CRISPLD1: variants seen among roughly 807,000 people sequenced by gnomAD.
The protein encoded by CRISPLD1 is cysteine rich secretory protein LCCL domain containing 1, also known as cysteine-rich secretory protein LCCL domain-containing 1.
CRISPLD1 carries 60 observed loss-of-function variants against 77.5 expected under a neutral mutation model. That is an observed-to-expected ratio of 0.77 (90% CI 0.63 to 0.96). CRISPLD1 has a LOEUF of 0.96. Ranked by LOEUF, CRISPLD1 falls within the 40% of genes least tolerant of loss-of-function variation. CRISPLD1 has a pLI of 0.00. For synonymous variants in CRISPLD1, 195 were observed against 200.1 expected (o/e 0.97, Z 0.22); for missense variants, 623 against 615.8 (o/e 1.01, Z -0.12).
At chr8:75,024,635 G>A (rs540285389) in intron 12 of CRISPLD1, among the ~76,000 whole-genome samples, 3 of 152,158 alleles carry the variant, frequency 2.0e-5, no homozygotes, top group East Asian at 3.9e-4. Context: ...GGACTTGTAC[G>A]TTTTAATATA....
rs199841663 is a variant in CRISPLD1, at chr8:75,017,070, T to C, written c.953T>C (p.Leu318Ser). ...AGGTACGAATGTCCTGCTGGCTGTT[T>C]GGATAGTAAAGCTAAAGTTATTGGC... Reference protein sequence around the residue: ...CNRYECPAGCLDSKAKVIGSV... With the variant: ...CNRYECPAGCSDSKAKVIGSV... Residue 318 changes from leucine to serine, a missense_variant, in exon 9 of 15, where the codon TTG becomes TCG. Transcript: ENST00000262207. 8 of 1,612,682 alleles carry C rather than the reference T, an allele frequency of 5.0e-6. No individual in the cohort carries two copies. In the South Asian group the frequency reaches 8.8e-5, roughly 18 times the overall value.
At position 75,019,991 on chromosome 8, in the gene CRISPLD1, T is replaced by G; in HGVS notation, c.1172-16T>G. 6.2e-7 allele frequency: 1 copy of G among 1,613,870 alleles called. No homozygotes were observed. The highest frequency in any genetic ancestry group is 1.1e-5 in the South Asian group (1 of 91,080). On this transcript the variant is annotated splice_polypyrimidine_tract_variant and intron_variant, in intron 11 of 14. Transcript: ENST00000262207. ...TTCAAAGGATTCACTCATTGTTTTGTGTTTTAATTCTTCAGTTCAGGCTGT... is the reference window on the plus strand; with the variant it reads ...TTCAAAGGATTCACTCATTGTTTTGGGTTTTAATTCTTCAGTTCAGGCTGT...
chr8:75,029,349 A>G, intron 13 of CRISPLD1, 38 bp from the exon 14 acceptor site: 3 of 1,595,704 alleles, frequency 1.9e-6, no homozygotes, highest in Non-Finnish European at 2.6e-6. Context: ...TCCAGCAGGA[A>G]TTTCCAATAA....
chr8:75,013,312 A>C (rs947139760), intron 4 of CRISPLD1, among the ~76,000 whole-genome samples: 1 of 152,102 alleles, frequency 6.6e-6, no homozygotes, highest in African/African-American at 2.4e-5. Flanking sequence ...CTTCAATGTC[A>C]AAGTTTTATC....
At chr8:75,010,927 T>C (rs1812917701) in intron 2 of CRISPLD1, among the ~76,000 whole-genome samples, 1 of 152,016 alleles carries the variant, frequency 6.6e-6, no homozygotes, top group Admixed American at 6.6e-5. Flanking sequence ...ACTTGGCATA[T>C]GTGCCCTCAT....
At chr8:75,020,493 A>G (rs972227599) in intron 12 of CRISPLD1, among the ~76,000 whole-genome samples, 1 of 152,156 alleles carries the variant, frequency 6.6e-6, no homozygotes, top group Non-Finnish European at 1.5e-5. Context: ...ACAGATGGCC[A>G]CCTTCTCTGT....
intron 5 of CRISPLD1, among the ~76,000 whole-genome samples, chr8:75,014,325 A>G (rs1226882538): frequency 6.6e-6 from 1 of 152,130 alleles, no homozygotes; most frequent in Non-Finnish European, 1.5e-5. Flanking sequence ...TATGGGAACC[A>G]TATTTTTATG....
At chr8:75,028,122 A>G (rs190399121) in intron 13 of CRISPLD1, among the ~76,000 whole-genome samples, 4 of 152,332 alleles carry the variant, frequency 2.6e-5, no homozygotes, top group Admixed American at 1.3e-4. Context: ...ATTATTTTTA[A>G]TTCCATCTGT....
chr8:74,992,293 T>C (rs1278093834), intron 2 of CRISPLD1, among the ~76,000 whole-genome samples: 3 of 152,164 alleles, frequency 2.0e-5, no homozygotes, highest in Non-Finnish European at 4.4e-5. Context: ...CTTCAAATAA[T>C]TCAGGATTTT....
At chr8:75,015,809 T>C (rs1444486809) in intron 6 of CRISPLD1, among the ~76,000 whole-genome samples, 3 of 152,144 alleles carry the variant, frequency 2.0e-5, no homozygotes, top group Non-Finnish European at 2.9e-5. Context: ...TGGGTGTTTT[T>C]CATATTCTCT....
chr8:74,991,727 A>G (rs1812575997), intron 2 of CRISPLD1, among the ~76,000 whole-genome samples: 1 of 151,938 alleles, frequency 6.6e-6, no homozygotes, highest in Admixed American at 6.6e-5. Flanking sequence ...ATGGGGTTTC[A>G]CTGTGTTGGC....
At chr8:74,992,035 T>C (rs973577367) in intron 2 of CRISPLD1, among the ~76,000 whole-genome samples, 6 of 152,188 alleles carry the variant, frequency 3.9e-5, no homozygotes, top group Non-Finnish European at 8.8e-5. Flanking sequence ...TATTTATCTT[T>C]ATAACTAAGC....
chr8:75,014,019 T>C lies in CRISPLD1; in HGVS notation c.543T>C (p.Cys181=). 6.2e-7 allele frequency: 1 copy of C among 1,613,210 alleles called. No individual in the cohort carries two copies. Among genetic ancestry groups the C allele is most frequent in the Non-Finnish European group, 8.5e-7 (1 of 1,179,418 alleles). Residue 181 remains cysteine, a synonymous_variant, in exon 5 of 15, where the codon TGT becomes TGC. Coordinates refer to ENST00000262207, the MANE Select transcript of CRISPLD1 (RefSeq NM_031461.6). ...VVWATSNRIG[C]AINLCHNMNI... ...GGGCAACTAGTAACAGAATCGGTTG[T>C]GCCATTAATTTGTGTCATAACATGA... is the stretch of plus-strand genomic sequence containing the variant.
chr8:75,015,012 C>A lies in CRISPLD1; in HGVS notation c.727+100C>A, dbSNP rs57706742. On this transcript the variant is annotated intron_variant, in intron 6 of 14. Transcript: ENST00000262207. ...AAGCCAGAAGTGCACTTAATGATCA[C>A]ACGAAAAGTATCTAGAACTCTATTT... is the stretch of plus-strand genomic sequence containing the variant. 0.016 allele frequency: 9,968 copies of A among 612,262 alleles called. 703 individuals are homozygous for A. In the African/African-American group the frequency reaches 0.17, roughly 10 times the overall value. 37.9% of individuals were successfully genotyped at this position (612,262 alleles called of 1,614,324 possible).
intron 12 of CRISPLD1, among the ~76,000 whole-genome samples, 187 bp downstream of exon 12, chr8:75,020,266 C>T (rs1465776662): frequency 6.6e-6 from 1 of 152,194 alleles, no homozygotes; most frequent in Non-Finnish European, 1.5e-5. Flanking sequence ...AAAGTATTCT[C>T]TGCTATTTCA....
chr8:75,016,685 T>C lies in CRISPLD1; in HGVS notation c.848T>C (p.Val283Ala), dbSNP rs767290203. 39 of 1,612,798 alleles carry C rather than the reference T, an allele frequency of 2.4e-5. No individual in the cohort carries two copies. Among genetic ancestry groups the C allele is most frequent in the Non-Finnish European group, 3.2e-5 (38 of 1,179,308 alleles). The part of the protein sequence containing the change: ...TRSDDSSRNE[V>A]ISAQQMSQIV... Reference sequence around the variant, plus strand: ...TCAGATGATAGTAGCAGAAATGAAGTCATAAGCGCACAGCAAATGTGTAAG... The same window carrying C: ...TCAGATGATAGTAGCAGAAATGAAGCCATAAGCGCACAGCAAATGTGTAAG... Residue 283 changes from valine to alanine, a missense_variant, in exon 7 of 15, where the codon GTC (valine) becomes GCC (alanine). Transcript: ENST00000262207.
At chr8:75,010,466 A>G (rs898771707) in intron 2 of CRISPLD1, among the ~76,000 whole-genome samples, 1 of 152,190 alleles carries the variant, frequency 6.6e-6, no homozygotes, top group African/African-American at 2.4e-5. Flanking sequence ...CTTCCTCTCT[A>G]AAGTATTGAG....
intron 14 of CRISPLD1, 33 bp from the exon 15 acceptor site, chr8:75,032,158 A>T (rs1339062532): frequency 6.9e-7 from 1 of 1,456,070 alleles, no homozygotes. Context: ...AGATGACATC[A>T]ATATACTTTT....
At chr8:74,988,705 T>C (rs1812530011) in intron 2 of CRISPLD1, among the ~76,000 whole-genome samples, 1 of 151,988 alleles carries the variant, frequency 6.6e-6, no homozygotes, top group Admixed American at 6.6e-5. Flanking sequence ...CATGGTGGCA[T>C]GTGCTGGTAA....
Sources: gnomAD v4.1 joint callset for allele counts (sites outside exome capture counted in the v4.1 genomes callset) on GRCh38, gnomAD v4.1.1 for gene constraint, MANE v1.5 for transcripts, NCBI Gene and HGNC (gene_info 2026-07-23, HGNC 2026-07-21) for gene names.